The following CREB5 variants were observed in gnomAD, a reference collection of about 807,000 sequenced individuals.
The protein encoded by CREB5 is cyclic AMP-responsive element-binding protein 5.
A neutral mutation model predicts 57.1 loss-of-function variants in CREB5; 19 were observed. That is an observed-to-expected ratio of 0.33 (90% CI 0.23 to 0.49). CREB5 has a LOEUF of 0.49. CREB5 is among the 20% of genes least tolerant of loss of function. The pLI is 0.99. For synonymous variants in CREB5, 238 were observed against 238.3 expected, an observed-to-expected ratio of 1.00 and a Z score of 0.01; for missense variants, 579 against 671.6, an observed-to-expected ratio of 0.86 and a Z score of 1.52.
chr7:28,670,152 A>G (rs1459598118), intron 5 of CREB5, among the ~76,000 whole-genome samples: 1 of 152,196 alleles, frequency 6.6e-6, no homozygotes, highest in Non-Finnish European at 1.5e-5. Flanking sequence ...AACCCTCTAT[A>G]TACTGCTTTT....
At chr7:28,720,157 A>C (rs1311537890) in intron 6 of CREB5, among the ~76,000 whole-genome samples, 5 of 152,222 alleles carry the variant, frequency 3.3e-5, no homozygotes, top group Non-Finnish European at 7.3e-5. Flanking sequence ...CCTCTTCTTC[A>C]TCCTCCCTGG....
chr7:28,809,154 T>A, intron 8 of CREB5, 33 bp from the exon 9 acceptor site: 2 of 1,577,788 alleles, frequency 1.3e-6, no homozygotes, highest in Non-Finnish European at 1.7e-6. Flanking sequence ...TCCTTCCCTA[T>A]CCCCATCACC....
At chr7:28,647,792 C>T (rs1798942906) in intron 5 of CREB5, among the ~76,000 whole-genome samples, 1 of 152,020 alleles carries the variant, frequency 6.6e-6, no homozygotes, top group Non-Finnish European at 1.5e-5. Flanking sequence ...TAATTTTACC[C>T]AATTTGGGCC....
intron 1 of CREB5, among the ~76,000 whole-genome samples, chr7:28,468,072 C>G (rs1339049706): frequency 1.3e-5 from 2 of 152,150 alleles, no homozygotes; most frequent in African/African-American, 4.8e-5. Flanking sequence ...GCCCAGCCTC[C>G]TGAACGGAAG....
chr7:28,545,944 C>T (rs55843425), intron 4 of CREB5, among the ~76,000 whole-genome samples: 7,766 of 152,212 alleles, frequency 0.051, 650 homozygotes, highest in African/African-American at 0.18. Flanking sequence ...TGCAGCATTC[C>T]GTCATCTGAA....
chr7:28,496,637 G>A (rs542023573), intron 3 of CREB5, among the ~76,000 whole-genome samples: 11 of 152,100 alleles, frequency 7.2e-5, no homozygotes, highest in Admixed American at 2.0e-4. Context: ...TTATAGACAC[G>A]GTCAGATTCT....
At chr7:28,503,962 T>A (rs972843887) in intron 3 of CREB5, among the ~76,000 whole-genome samples, 11 of 152,142 alleles carry the variant, frequency 7.2e-5, no homozygotes, top group Admixed American at 2.6e-4. Flanking sequence ...TAGGATATAG[T>A]TAGAGAAAAG....
intron 1 of CREB5, among the ~76,000 whole-genome samples, chr7:28,438,389 T>A (rs1789046277): frequency 1.3e-5 from 2 of 152,088 alleles, no homozygotes; most frequent in Admixed American, 1.3e-4. Context: ...CCACTGAGGA[T>A]GGGCTAGAGA....
intron 1 of CREB5, among the ~76,000 whole-genome samples, chr7:28,439,651 A>G (rs914236183): frequency 6.6e-6 from 1 of 152,162 alleles, no homozygotes; most frequent in Non-Finnish European, 1.5e-5. Context: ...TGTGCAGTCT[A>G]TCACTCAGGA....
intron 7 of CREB5, among the ~76,000 whole-genome samples, chr7:28,794,537 T>C (rs1807912931): frequency 6.6e-6 from 1 of 152,102 alleles, no homozygotes; most frequent in African/African-American, 2.4e-5. Flanking sequence ...GTACCTGAGG[T>C]CATGACATAA....
intron 7 of CREB5, among the ~76,000 whole-genome samples, chr7:28,745,000 C>T (rs540826085): frequency 6.6e-6 from 1 of 152,266 alleles, no homozygotes; most frequent in East Asian, 1.9e-4. Context: ...AAGAGAGGTG[C>T]CCAGGGTACA....
At chr7:28,792,590 C>T (rs568672239) in intron 7 of CREB5, among the ~76,000 whole-genome samples, 1 of 152,106 alleles carries the variant, frequency 6.6e-6, no homozygotes, top group Non-Finnish European at 1.5e-5. Context: ...ACACACACGG[C>T]CAGATTCTTA....
chr7:28,706,292 G>A (rs895302562), intron 5 of CREB5, among the ~76,000 whole-genome samples: 2 of 152,076 alleles, frequency 1.3e-5, no homozygotes, highest in Non-Finnish European at 2.9e-5. Context: ...GGGGAAAGAG[G>A]TTGCAGTGAG....
chr7:28,487,119 C>T (rs926229425), intron 1 of CREB5, among the ~76,000 whole-genome samples: 15 of 152,108 alleles, frequency 9.9e-5, no homozygotes, highest in Admixed American at 6.5e-4. Context: ...TGGGTTCAAA[C>T]GCCTCTCCTG....
chr7:28,719,871 C>G (rs2299109), intron 6 of CREB5, among the ~76,000 whole-genome samples: 27,512 of 152,038 alleles, frequency 0.18, 2,728 homozygotes, highest in Admixed American at 0.23. Context: ...ACCAGCCTGG[C>G]CAACATGGTG....
At chr7:28,642,249 A>G (rs954439660) in intron 5 of CREB5, among the ~76,000 whole-genome samples, 5 of 152,250 alleles carry the variant, frequency 3.3e-5, no homozygotes, top group African/African-American at 9.6e-5. Context: ...GATAAAAACC[A>G]GGGAAAAACT....
In CREB5 at chr7:28,546,031, A is replaced by G. The variant is rs79344222; in HGVS notation, c.292-24334A>G. ...CCTCCCCAAAAGAAACTTAGTGCCC[A>G]TAGGCATCACTCCCCGTCCCCATCC... On this transcript the variant is annotated intron_variant, in intron 4 of 10. Transcript: ENST00000357727. Among the ~76,000 whole-genome samples the G allele has an allele frequency of 2.7e-4, 41 of 152,260 alleles. No homozygotes were observed. In the East Asian group the frequency reaches 7.9e-3, roughly 29 times the overall value.
intron 7 of CREB5, among the ~76,000 whole-genome samples, chr7:28,734,914 T>G (rs1230155205): frequency 7.2e-5 from 11 of 152,188 alleles, no homozygotes; most frequent in Admixed American, 6.5e-4. Flanking sequence ...ATTTCTTTAC[T>G]TTAAGGTGAA....
At chr7:28,330,917 A>G (rs749886659) in intron 1 of CREB5, among the ~76,000 whole-genome samples, 2 of 152,094 alleles carry the variant, frequency 1.3e-5, no homozygotes, top group Admixed American at 1.3e-4. Context: ...GCTAATCCTG[A>G]CACTTATCTC....
Sources: allele counts gnomAD v4.1 joint callset (sites outside exome capture counted in the v4.1 genomes callset), GRCh38; gene constraint gnomAD v4.1.1; transcripts MANE v1.5; gene names NCBI Gene and HGNC (gene_info 2026-07-23, HGNC 2026-07-21).